Variants in ATRNL1 observed in about 807,000 individuals in gnomAD.
ATRNL1 encodes the protein attractin like 1.
ATRNL1 carries 95 observed loss-of-function variants against 182.7 expected under a neutral mutation model. That is an observed-to-expected ratio of 0.52 (90% CI 0.44 to 0.62). The LOEUF (loss-of-function observed/expected upper bound fraction) is 0.62, where lower values mean the gene tolerates loss of function less well. Among genes scored for constraint, ATRNL1 ranks in the 20% least tolerant of loss-of-function variants. ATRNL1 has a pLI of 0.00. For missense variants in ATRNL1, 1,471 were observed against 1,679.5 expected, an observed-to-expected ratio of 0.88 and a Z score of 2.17; for synonymous variants, 576 against 568.3, an observed-to-expected ratio of 1.01 and a Z score of -0.19.
At chr10:115,751,530 T>A (rs1275908773) in intron 27 of ATRNL1, among the ~76,000 whole-genome samples, 3 of 152,054 alleles carry the variant, frequency 2.0e-5, no homozygotes, top group African/African-American at 7.2e-5. Context: ...TATATTTACA[T>A]ATACACTCAC....
chr10:115,315,879 T>C (rs1486842856), intron 18 of ATRNL1, 143 bp downstream of exon 18: 2 of 665,184 alleles, frequency 3.0e-6, no homozygotes, highest in Non-Finnish European at 5.0e-6. Context: ...AAAAAATTAT[T>C]CCATAGACTA....
chr10:115,801,584 G>A (rs1949793463), intron 27 of ATRNL1, among the ~76,000 whole-genome samples: 1 of 152,056 alleles, frequency 6.6e-6, no homozygotes, highest in African/African-American at 2.4e-5. Context: ...ACTTGTGGAT[G>A]GGGAATATTG....
chr10:115,536,285 C>G (rs1554990286), intron 25 of ATRNL1, among the ~76,000 whole-genome samples: 2 of 152,202 alleles, frequency 1.3e-5, no homozygotes, highest in African/African-American at 2.4e-5. Context: ...TTCCCAGATT[C>G]TTTGTTTACC....
intron 24 of ATRNL1, among the ~76,000 whole-genome samples, chr10:115,475,758 A>G (rs1279371238): frequency 2.6e-5 from 4 of 151,294 alleles, no homozygotes; most frequent in African/African-American, 9.7e-5. Context: ...CTTTTTCTTC[A>G]TCATCACCGT....
intron 27 of ATRNL1, among the ~76,000 whole-genome samples, chr10:115,735,747 G>A (rs541838714): frequency 1.3e-5 from 2 of 152,212 alleles, no homozygotes; most frequent in African/African-American, 4.8e-5. Flanking sequence ...GGCTGAATAT[G>A]CTAGACAGAG....
chr10:115,500,424 G>A (rs782633860), intron 24 of ATRNL1, among the ~76,000 whole-genome samples: 12 of 151,774 alleles, frequency 7.9e-5, no homozygotes, highest in African/African-American at 1.2e-4. Context: ...TCTAACATCA[G>A]GTGTCCTATA....
chr10:115,820,716 G>A (rs1233937624), intron 27 of ATRNL1, among the ~76,000 whole-genome samples: 1 of 152,088 alleles, frequency 6.6e-6, no homozygotes, highest in Non-Finnish European at 1.5e-5. Context: ...TCGTGGTAAA[G>A]AGTGCATGCT....
At chr10:115,391,480 G>A (rs1216629425) in intron 19 of ATRNL1, among the ~76,000 whole-genome samples, 1 of 152,128 alleles carries the variant, frequency 6.6e-6, no homozygotes, top group East Asian at 1.9e-4. Context: ...GGCAGATCTG[G>A]TGTTGCAGTC....
At chr10:115,129,641 T>C (rs2143706470) in intron 5 of ATRNL1, 106 bp downstream of exon 5, 1 of 767,784 alleles carries the variant, frequency 1.3e-6, no homozygotes, top group Non-Finnish European at 2.0e-6. Context: ...ACCCAAGCCT[T>C]ATATATTTAC....
intron 25 of ATRNL1, among the ~76,000 whole-genome samples, chr10:115,538,655 A>T (rs1050451235): frequency 6.6e-6 from 1 of 152,078 alleles, no homozygotes; most frequent in Non-Finnish European, 1.5e-5. Flanking sequence ...TTGTCTTTTC[A>T]TTCTCTTAAC....
intron 26 of ATRNL1, among the ~76,000 whole-genome samples, chr10:115,611,948 G>GA: frequency 6.6e-6 from 1 of 152,020 alleles, no homozygotes; most frequent in African/African-American, 2.4e-5. Flanking sequence ...GGGGGAATTG[G>GA]AAAATAAGAA....
At position 115,846,456 on chromosome 10, in the gene ATRNL1, C is replaced by A. The variant is rs115287156; in HGVS notation, c.3904-1421C>A. On this transcript the variant is annotated intron_variant, in intron 27 of 28. Transcript: ENST00000355044. ...TGAATGACTGCATATGTCTGTATTT[C>A]TTCTTAAAAGTTTAAATATCATCAG... Among the ~76,000 whole-genome samples, 693 of 152,110 alleles carry A rather than the reference C, an allele frequency of 4.6e-3. 4 individuals are homozygous for A. Among genetic ancestry groups the A allele is most frequent in the African/African-American group, 0.016 (665 of 41,524 alleles).
At position 115,134,148 on chromosome 10, in the gene ATRNL1, A is replaced by C. The variant is rs868974854; in HGVS notation, c.829+4613A>C. Among the ~76,000 whole-genome samples, 88 of 152,216 alleles carry C rather than the reference A, an allele frequency of 5.8e-4. 2 individuals are homozygous for C. The highest frequency in any genetic ancestry group is 2.7e-3 in the South Asian group (13 of 4,828). On this transcript the variant is annotated intron_variant, in intron 5 of 28. Coordinates refer to ENST00000355044, the MANE Select transcript of ATRNL1 (RefSeq NM_207303.4). ...AAAGAACTAGAGAAGCAAGAGCAAAAACATTCAAAAGCTAGCAGAAGACAA... is the reference window on the plus strand; with the variant it reads ...AAAGAACTAGAGAAGCAAGAGCAAACACATTCAAAAGCTAGCAGAAGACAA...
chr10:115,846,175 T>C (rs887676235), intron 27 of ATRNL1, among the ~76,000 whole-genome samples: 1 of 152,096 alleles, frequency 6.6e-6, no homozygotes, highest in African/African-American at 2.4e-5. Flanking sequence ...AGCATTTTCT[T>C]GGAACATTTT....
At position 115,783,226 on chromosome 10, in the gene ATRNL1, CCACACACACA is replaced by C. The variant is rs56301408; in HGVS notation, c.3903+55892_3903+55901del. 1.2e-4 allele frequency among the ~76,000 whole-genome samples: 18 copies of C among 150,152 alleles called. 1 individual carries two copies. The South Asian group carries it at 2.6e-3, about 21-fold the overall frequency. ...TGGATTCATATTTGTCTATATGATGCCACACACACACACACACACACACACACACATTTAA... is the reference window on the plus strand; with the variant it reads ...TGGATTCATATTTGTCTATATGATGCCACACACACACACACACACATTTAA... On this transcript the variant is annotated intron_variant, in intron 27 of 28. Coordinates refer to ENST00000355044, the MANE Select transcript of ATRNL1 (RefSeq NM_207303.4).
intron 27 of ATRNL1, among the ~76,000 whole-genome samples, chr10:115,754,570 T>G (rs1424063920): frequency 6.8e-6 from 1 of 147,660 alleles, no homozygotes; most frequent in African/African-American, 2.4e-5. Context: ...TGTTTTGCTT[T>G]GCCTTTTAGT....
intron 26 of ATRNL1, among the ~76,000 whole-genome samples, chr10:115,633,257 C>T (rs1858637568): frequency 1.3e-5 from 2 of 152,070 alleles, no homozygotes; most frequent in African/African-American, 4.8e-5. Flanking sequence ...TTATTCACTG[C>T]AAAAATGCAT....
intron 26 of ATRNL1, among the ~76,000 whole-genome samples, chr10:115,579,176 A>G (rs782507225): frequency 6.6e-5 from 10 of 151,768 alleles, no homozygotes; most frequent in Non-Finnish European, 1.3e-4. Context: ...GTATTCTATT[A>G]CTGTTGAATA....
intron 15 of ATRNL1, among the ~76,000 whole-genome samples, chr10:115,287,288 A>C (rs2133940850): frequency 6.6e-6 from 1 of 152,176 alleles, no homozygotes; most frequent in South Asian, 2.1e-4. Context: ...TATTGTGGGT[A>C]ATAAATGAGA....
Sources: gnomAD v4.1 joint callset for allele counts (sites outside exome capture counted in the v4.1 genomes callset) on GRCh38, gnomAD v4.1.1 for gene constraint, MANE v1.5 for transcripts, NCBI Gene and HGNC (gene_info 2026-07-23, HGNC 2026-07-21) for gene names.